Variants in ACACA observed in about 807,000 individuals in gnomAD.
ACACA encodes the protein acetyl-CoA carboxylase alpha, also known as acetyl-CoA carboxylase 1.
Under a neutral mutation model 296.1 loss-of-function variants are expected in ACACA, and 103 were observed. The observed-to-expected ratio is 0.35, with a 90% confidence interval of 0.30 to 0.41. The LOEUF (loss-of-function observed/expected upper bound fraction) is 0.41. ACACA is among the 10% of genes least tolerant of loss of function. The pLI is 1.00. For synonymous variants in ACACA, 953 were observed against 1,038.6 expected, an observed-to-expected ratio of 0.92 and a Z score of 1.58; for missense variants, 1,554 against 2,989.7, an observed-to-expected ratio of 0.52 and a Z score of 11.20.
Position 37,097,242 on chromosome 17 carries a change from C to T in ACACA, c.6721-76G>A. Reference sequence around the variant, plus strand: ...CTCAGTCTGGAGGGAAACCCACAGGCATAAAAACTGATTCTCCAGGCAAGC... The same window carrying T: ...CTCAGTCTGGAGGGAAACCCACAGGTATAAAAACTGATTCTCCAGGCAAGC... On this transcript the variant is annotated intron_variant, in intron 53 of 55. Coordinates refer to ENST00000616317, the MANE Select transcript of ACACA (RefSeq NM_198834.3). This position sits in a 1 kb window ranked among gnomAD's most constrained non-coding sequence, Gnocchi z 4.8. 2 of 1,532,882 alleles carry T rather than the reference C, an allele frequency of 1.3e-6. No individual in the cohort carries two copies. Among genetic ancestry groups the T allele is most frequent in the Non-Finnish European group, 1.8e-6 (2 of 1,127,546 alleles). 95.0% of individuals were successfully genotyped at this position (1,532,882 alleles called of 1,614,324 possible). A position where few individuals can be genotyped will look rare whatever the true frequency, so the allele number is the denominator to read the frequency against.
At chr17:37,140,627 G>C in intron 45 of ACACA, 1 of 172,014 alleles carries the variant, frequency 5.8e-6, no homozygotes, top group Non-Finnish European at 1.3e-5. Flanking sequence ...AGCCACAGTT[G>C]GAGCCTGGGT....
chr17:37,259,292 T>C (rs1329984523), intron 12 of ACACA, 68 bp downstream of exon 12: 9 of 1,576,040 alleles, frequency 5.7e-6, no homozygotes, highest in African/African-American at 1.3e-5. Context: ...TATCACACAC[T>C]GGTTAAACCC....
At chr17:37,138,986 G>A (rs2075444781) in intron 45 of ACACA, among the ~76,000 whole-genome samples, 1 of 152,120 alleles carries the variant, frequency 6.6e-6, no homozygotes, top group Admixed American at 6.5e-5. Context: ...TACAACTAGG[G>A]GGCAGGGGTG....
In ACACA at chr17:37,221,928, T is replaced by C. The variant is rs551884676; in HGVS notation, c.3565-86A>G. Reference sequence around the variant, plus strand: ...AGAAAAAGAGTCTTGAAACGAGGTATCTGAGGCAGAAGGTGCTCTGTGGGG... The same window carrying C: ...AGAAAAAGAGTCTTGAAACGAGGTACCTGAGGCAGAAGGTGCTCTGTGGGG... On this transcript the variant is annotated intron_variant, in intron 28 of 55. Coordinates refer to ENST00000616317, the MANE Select transcript of ACACA (RefSeq NM_198834.3). 1.0e-5 allele frequency: 12 copies of C among 1,176,050 alleles called. No individual in the cohort carries two copies. In the African/African-American group the frequency reaches 1.7e-4, roughly 16 times the overall value. 72.9% of individuals were successfully genotyped at this position (1,176,050 alleles called of 1,614,324 possible).
chr17:37,194,933 A>ACCCCCCC (rs111271581), intron 35 of ACACA, among the ~76,000 whole-genome samples: 6 of 150,446 alleles, frequency 4.0e-5, no homozygotes, highest in African/African-American at 1.2e-4. Flanking sequence ...ATTCTCTGAC[A>ACCCCCCC]CCCCCCCCAC....
At chr17:37,096,912 T>C in intron 54 of ACACA, 84 bp downstream of exon 54, 2 of 1,521,494 alleles carry the variant, frequency 1.3e-6, no homozygotes, top group Middle Eastern at 1.9e-4. Flanking sequence ...TAGAGGCCTG[T>C]GGACTCTTTG....
chr17:37,368,163 G>A (rs2049675112), intron 1 of ACACA, among the ~76,000 whole-genome samples: 1 of 151,956 alleles, frequency 6.6e-6, no homozygotes, highest in Non-Finnish European at 1.5e-5. Flanking sequence ...TCTTAGCTAT[G>A]AGGGAGGCTG....
chr17:37,203,051 C>A (rs1294368684), intron 33 of ACACA, among the ~76,000 whole-genome samples: 1 of 151,786 alleles, frequency 6.6e-6, no homozygotes, highest in Non-Finnish European at 1.5e-5. Context: ...CAACCTCCGC[C>A]CCCAGGTTCA....
intron 1 of ACACA, among the ~76,000 whole-genome samples, chr17:37,382,732 T>C (rs1160075934): frequency 6.6e-6 from 1 of 152,088 alleles, no homozygotes; most frequent in Non-Finnish European, 1.5e-5. Flanking sequence ...TGGTGGCGTG[T>C]GCCTGTAGTC....
intron 1 of ACACA, among the ~76,000 whole-genome samples, chr17:37,371,436 C>T (rs759855075): frequency 3.9e-5 from 6 of 151,902 alleles, no homozygotes; most frequent in African/African-American, 9.7e-5. Flanking sequence ...GGAAAGAGAC[C>T]GGAGGACCAG....
chr17:37,382,599 C>T (rs1197825086), intron 1 of ACACA, among the ~76,000 whole-genome samples: 2 of 152,136 alleles, frequency 1.3e-5, no homozygotes, highest in Admixed American at 6.6e-5. Context: ...CGGTGGCTCA[C>T]GCCTGTAATC....
intron 22 of ACACA, among the ~76,000 whole-genome samples, chr17:37,242,869 C>A (rs2080488899): frequency 6.6e-6 from 1 of 152,128 alleles, no homozygotes; most frequent in Non-Finnish European, 1.5e-5. Flanking sequence ...AAACCCGTGA[C>A]TACTAAAAAT....
At chr17:37,218,963 A>C (rs576174260) in intron 29 of ACACA, among the ~76,000 whole-genome samples, 1 of 152,260 alleles carries the variant, frequency 6.6e-6, no homozygotes, top group African/African-American at 2.4e-5. Flanking sequence ...AAATCCTTAT[A>C]ATTTCCCAAG....
At chr17:37,206,906 C>G in intron 31 of ACACA, 27 bp from the exon 32 acceptor site, 1 of 1,568,108 alleles carries the variant, frequency 6.4e-7, no homozygotes, top group Middle Eastern at 1.7e-4. Context: ...AAACACCCAC[C>G]ATGAAAACTC....
chr17:37,273,941 G>A (rs1163422455), intron 9 of ACACA, among the ~76,000 whole-genome samples: 2 of 152,184 alleles, frequency 1.3e-5, no homozygotes, highest in Non-Finnish European at 2.9e-5. Flanking sequence ...CTGTCCAGAT[G>A]AGCAGCCTGC....
In ACACA at chr17:37,224,598, T is replaced by C. The variant is rs115443514; in HGVS notation, c.3474+394A>G. Among the ~76,000 whole-genome samples, 1,480 of 152,230 alleles carry C rather than the reference T, an allele frequency of 9.7e-3. 20 individuals carry two copies. Among genetic ancestry groups the C allele is most frequent in the African/African-American group, 0.034 (1,408 of 41,540 alleles). ...GCTTTGTCTCCAGAAGAGTAACAAC[T>C]ACCTATGTATACATCTGATTCAAAT... On this transcript the variant is annotated intron_variant, in intron 27 of 55. Transcript: ENST00000616317.
At chr17:37,178,871 T>C (rs1193245485) in intron 41 of ACACA, among the ~76,000 whole-genome samples, 1 of 152,200 alleles carries the variant, frequency 6.6e-6, no homozygotes, top group East Asian at 1.9e-4. Flanking sequence ...AAATAATCTA[T>C]TTTCATGTAC....
At chr17:37,186,314 C>T (rs1006860857) in intron 39 of ACACA, among the ~76,000 whole-genome samples, 7 of 152,132 alleles carry the variant, frequency 4.6e-5, no homozygotes, top group Non-Finnish European at 1.0e-4. Flanking sequence ...TTTATAATAG[C>T]ACATATTTGC....
In ACACA at chr17:37,380,433, GA is replaced by G. The variant is rs967382610; in HGVS notation, c.38+25828del. Reference sequence around the variant, plus strand: ...TAAAACTTAAAGTATAATAATAAAAGAAAAAAAAAAGAAAATGAATTATCCT... The same window carrying G: ...TAAAACTTAAAGTATAATAATAAAAGAAAAAAAAAGAAAATGAATTATCCT... On this transcript the variant is annotated intron_variant, in intron 1 of 55. Coordinates refer to ENST00000616317, the MANE Select transcript of ACACA (RefSeq NM_198834.3). Among the ~76,000 whole-genome samples the G allele has an allele frequency of 5.0e-4, 73 of 146,116 alleles. 3 individuals carry two copies. The South Asian group carries it at 0.012, about 23-fold the overall frequency.
Sources: allele counts gnomAD v4.1 joint callset (sites outside exome capture counted in the v4.1 genomes callset), GRCh38; gene constraint gnomAD v4.1.1; non-coding constraint Gnocchi (gnomAD v3.1); transcripts MANE v1.5; gene names NCBI Gene and HGNC (gene_info 2026-07-23, HGNC 2026-07-21).